The following UBQLN1 variants were observed in gnomAD, a reference collection of about 807,000 sequenced individuals.
UBQLN1 encodes the protein ubiquilin-1.
UBQLN1 carries 13 observed loss-of-function variants against 65.4 expected under a neutral mutation model. The observed-to-expected ratio is 0.20, with a 90% CI of 0.13 to 0.32. The LOEUF is 0.32. UBQLN1 is among the 10% of genes least tolerant of loss of function. The pLI is 1.00. For synonymous variants in UBQLN1, 267 were observed against 247.8 expected, an observed-to-expected ratio of 1.08 and a Z score of -0.73; for missense variants, 561 against 724.0, an observed-to-expected ratio of 0.77 and a Z score of 2.58.
At chr9:83,680,090 T>C in intron 3 of UBQLN1, 53 bp from the exon 4 acceptor site, 1 of 1,534,498 alleles carries the variant, frequency 6.5e-7, no homozygotes, top group Non-Finnish European at 8.8e-7. Flanking sequence ...AATTTATCAT[T>C]AACATGACAT....
intron 1 of UBQLN1, among the ~76,000 whole-genome samples, chr9:83,705,586 T>C (rs1475242720): frequency 6.6e-6 from 1 of 152,152 alleles, no homozygotes; most frequent in Non-Finnish European, 1.5e-5. Context: ...AACTGAAACA[T>C]ACAATTGCCC....
chr9:83,665,060 A>G lies in UBQLN1; in HGVS notation c.1418T>C (p.Leu473Ser). 1 of 1,613,590 alleles carries G rather than the reference A, an allele frequency of 6.2e-7. No homozygotes were observed. Among genetic ancestry groups the G allele is most frequent in the Middle Eastern group, 1.6e-4 (1 of 6,062 alleles). Residue 473 changes from leucine to serine, a missense_variant, in exon 9 of 11, where the codon TTA (leucine) becomes TCA (serine). Leu to Ser is a moderately radical substitution (Grantham distance 145, BLOSUM62 -2). Coordinates refer to ENST00000376395, the MANE Select transcript of UBQLN1 (RefSeq NM_013438.5). ...LLQIQQGLQT[L>S]ATEAPGLIPG... is the part of the protein sequence containing the mutation. ...GATGAGGCCCGGGGCTTCCGTTGCT[A>G]ATGTCTGTAAACCCTGCTGAATCTG...
At chr9:83,695,989 G>C (rs577515037) in intron 1 of UBQLN1, among the ~76,000 whole-genome samples, 1 of 151,668 alleles carries the variant, frequency 6.6e-6, no homozygotes, top group South Asian at 2.1e-4. Context: ...TGCCAGGATA[G>C]AGTGCAGTCG....
intron 10 of UBQLN1, among the ~76,000 whole-genome samples, chr9:83,662,577 C>G (rs1564158209): frequency 2.0e-5 from 3 of 152,102 alleles, no homozygotes; most frequent in Admixed American, 1.3e-4. Flanking sequence ...AATGACCAAT[C>G]AATCCTAGGC....
At chr9:83,678,305 G>A (rs1831877311) in intron 5 of UBQLN1, 136 bp downstream of exon 5, 2 of 1,102,766 alleles carry the variant, frequency 1.8e-6, no homozygotes, top group Non-Finnish European at 2.5e-6. Flanking sequence ...ACAGGCGTGA[G>A]CCACTGCACC....
rs761746549 is a variant in UBQLN1 at position 83,686,162 on chromosome 9, AAAAAT to A, written c.181-12_181-8del. 3 of 1,527,200 alleles carry A rather than the reference AAAAAT, an allele frequency of 2.0e-6. No individual in the cohort carries two copies. The highest frequency in any genetic ancestry group is 8.8e-7 in the Non-Finnish European group (1 of 1,130,302). 94.6% of individuals were successfully genotyped at this position (1,527,200 alleles called of 1,614,324 possible). ...TAGAGATTTCTTCCTTAAACTAAAT[AAAAAT>A]AAAATAAGTATGTATTACAGTTGTT... On this transcript the variant is annotated splice_polypyrimidine_tract_variant and splice_region_variant and intron_variant, in intron 1 of 10. Transcript: ENST00000376395.
chr9:83,688,835 T>G (rs1832082161), intron 1 of UBQLN1, among the ~76,000 whole-genome samples: 1 of 150,088 alleles, frequency 6.7e-6, no homozygotes. Flanking sequence ...CACTCCAGCC[T>G]GGGCGATGAG....
chr9:83,665,293 G>A (rs1031432183), intron 8 of UBQLN1, 148 bp from the exon 9 acceptor site: 2 of 512,992 alleles, frequency 3.9e-6, no homozygotes, highest in Non-Finnish European at 6.7e-6. Context: ...CAAAATAAAC[G>A]CAAGTATCTC....
At chr9:83,698,315 G>C (rs187287295) in intron 1 of UBQLN1, among the ~76,000 whole-genome samples, 7 of 152,294 alleles carry the variant, frequency 4.6e-5, no homozygotes, top group Non-Finnish European at 1.0e-4. Flanking sequence ...TTTATTAGCT[G>C]TGCTAATTCA....
intron 1 of UBQLN1, among the ~76,000 whole-genome samples, chr9:83,705,245 C>CTTTTTTTTTTT (rs1564175219): frequency 5.0e-5 from 2 of 40,040 alleles, no homozygotes; most frequent in African/African-American, 4.2e-4. Context: ...AGCCAGCACT[C>CTTTTTTTTTTT]CTTTTTTTTT....
At chr9:83,666,274 G>C in intron 8 of UBQLN1, 76 bp downstream of exon 8, 1 of 1,418,294 alleles carries the variant, frequency 7.1e-7, no homozygotes, top group African/African-American at 1.4e-5. Flanking sequence ...CCAGAGAAGA[G>C]CAAGGAAAAA....
chr9:83,707,805 A>T lies in UBQLN1; in HGVS notation c.-126T>A, dbSNP rs1422387144. 1 of 1,344,902 alleles carries T rather than the reference A, an allele frequency of 7.4e-7. No individual in the cohort carries two copies. Among genetic ancestry groups the T allele is most frequent in the Non-Finnish European group, 9.7e-7 (1 of 1,034,850 alleles). The allele number at this position is 1,344,902 out of a possible 1,614,324, so 83.3% of individuals were successfully genotyped here. On this transcript the variant is annotated 5_prime_UTR_variant, in exon 1 of 11. Transcript: ENST00000376395. ...AGAATGCAGAGCACGCCGCCTCAGT[A>T]GCAACGGGCGCAGGGCCACCGTAGC...
chr9:83,692,501 C>T (rs1325567183), intron 1 of UBQLN1, among the ~76,000 whole-genome samples: 1 of 152,256 alleles, frequency 6.6e-6, no homozygotes, highest in Non-Finnish European at 1.5e-5. Flanking sequence ...GCTGTTTAGA[C>T]AGAGGTAGCT....
intron 1 of UBQLN1, among the ~76,000 whole-genome samples, chr9:83,699,294 T>C (rs937463175): frequency 1.3e-5 from 2 of 152,216 alleles, no homozygotes; most frequent in African/African-American, 4.8e-5. Flanking sequence ...ACTTCAGTCC[T>C]TCCTTTTGAT....
Position 83,679,756 on chromosome 9 carries a change from G to A in UBQLN1, c.711+19C>T, listed in dbSNP as rs959327072. The A allele has an allele frequency of 5.6e-6, 9 of 1,609,384 alleles. No individual in the cohort carries two copies. The African/African-American group carries it at 1.1e-4, about 19-fold the overall frequency. On this transcript the variant is annotated intron_variant, in intron 4 of 10. Transcript: ENST00000376395. ...ATATCATTTTTTAGCTAAACGAACT[G>A]AAAGAACTTTCCACATACTTGTCTC...
rs141696561 is a variant in UBQLN1 at position 83,699,138 on chromosome 9, TCAGTTTTG to T, written c.180+8354_180+8361del. ...GTTACTGTTTAAACGGTCCAGGGTT[TCAGTTTTG>T]CAAGATGAGTTCTGGAAACGGATGG... On this transcript the variant is annotated intron_variant, in intron 1 of 10. Coordinates refer to ENST00000376395, the MANE Select transcript of UBQLN1 (RefSeq NM_013438.5). Among the ~76,000 whole-genome samples the T allele has an allele frequency of 7.9e-3, 1,210 of 152,266 alleles. 22 individuals are homozygous for T. Among genetic ancestry groups the T allele is most frequent in the African/African-American group, 0.028 (1,155 of 41,552 alleles).
In UBQLN1 at chr9:83,677,907, T is replaced by C; in HGVS notation, c.925A>G (p.Ser309Gly). Residue 309 changes from serine (S) to glycine (G), a missense_variant, in exon 6 of 11, where the codon AGT becomes GGT. Ser to Gly is a moderately conservative substitution (Grantham distance 56, BLOSUM62 0). Around this residue, in one of 8 missense-constraint regions of UBQLN1, gnomAD observed 89 missense variants for 77.8 expected, o/e 1.14. Transcript: ENST00000376395. Reference sequence around the variant, plus strand: ...CTATTTTCTGTACGGGAAGGTTGACTACCTTCACCAGAGGATGTATTGCTC... The same window carrying C: ...CTATTTTCTGTACGGGAAGGTTGACCACCTTCACCAGAGGATGTATTGCTC... The part of the protein sequence containing the change: ...LVSNTSSGEG[S>G]QPSRTENRDP... 3 of 1,614,090 alleles carry C rather than the reference T, an allele frequency of 1.9e-6. No individual in the cohort carries two copies. Among genetic ancestry groups the C allele is most frequent in the Non-Finnish European group, 2.5e-6 (3 of 1,179,998 alleles).
At chr9:83,672,544 A>C (rs979397490) in intron 6 of UBQLN1, among the ~76,000 whole-genome samples, 9 of 152,262 alleles carry the variant, frequency 5.9e-5, no homozygotes, top group Non-Finnish European at 1.3e-4. Context: ...TGGAACAGCC[A>C]GTCAGTTGAA....
chr9:83,675,218 A>C (rs1468198956), intron 6 of UBQLN1, among the ~76,000 whole-genome samples: 1 of 152,190 alleles, frequency 6.6e-6, no homozygotes, highest in East Asian at 1.9e-4. Flanking sequence ...GCATTATTTT[A>C]TTAGCTCATG....
Sources: allele counts gnomAD v4.1 joint callset (sites outside exome capture counted in the v4.1 genomes callset), GRCh38; gene constraint gnomAD v4.1.1; regional missense constraint gnomAD v4.1.1; transcripts MANE v1.5; gene names NCBI Gene and HGNC (gene_info 2026-07-23, HGNC 2026-07-21).